The following NHSL1 variants were observed in gnomAD, a reference collection of about 807,000 sequenced individuals.
NHSL1 encodes the protein NHS-like protein 1.
NHSL1 carries 48 observed loss-of-function variants against 95.0 expected under a neutral mutation model. The observed-to-expected ratio is 0.51, with a 90% CI of 0.40 to 0.64. The LOEUF (loss-of-function observed/expected upper bound fraction) is 0.64. Among genes scored for constraint, NHSL1 ranks in the 30% least tolerant of loss-of-function variants. The pLI is 0.00. For synonymous variants in NHSL1, 783 were observed against 833.9 expected (o/e 0.94, Z 1.05); for missense variants, 1,971 against 2,077.7 (o/e 0.95, Z 1.00).
intron 1 of NHSL1, among the ~76,000 whole-genome samples, chr6:138,526,076 G>A (rs1470505160): frequency 6.9e-6 from 1 of 144,168 alleles, no homozygotes; most frequent in African/African-American, 2.6e-5. Context: ...CTGAGCAACA[G>A]AGCGAGACTC....
In NHSL1 at chr6:138,492,853, G is replaced by A. The variant is rs76686416; in HGVS notation, c.211+3366C>T. Among the ~76,000 whole-genome samples, 467 of 152,256 alleles carry A rather than the reference G, an allele frequency of 3.1e-3. 2 individuals are homozygous for A. The highest frequency in any genetic ancestry group is 0.011 in the African/African-American group (442 of 41,554). ...AATTATGGACACAGTAAGAATAGAA[G>A]AAGAAACAAAATGATTACTCACTGT... On this transcript the variant is annotated intron_variant, in intron 2 of 7. Transcript: ENST00000343505.
chr6:138,470,146 T>C (rs1273899776), intron 3 of NHSL1, among the ~76,000 whole-genome samples: 1 of 152,216 alleles, frequency 6.6e-6, no homozygotes, highest in African/African-American at 2.4e-5. Flanking sequence ...CATTCAGATC[T>C]AATGATTTAA....
chr6:138,542,983 C>T (rs1022228972), intron 1 of NHSL1, among the ~76,000 whole-genome samples: 6 of 152,086 alleles, frequency 3.9e-5, no homozygotes, highest in South Asian at 2.1e-4. Context: ...AGGCTGGTCC[C>T]GAACTCAGGG....
chr6:138,606,628 G>GCCT (rs2114579680), intron 1 of NHSL1, among the ~76,000 whole-genome samples: 1 of 151,454 alleles, frequency 6.6e-6, no homozygotes, highest in East Asian at 1.9e-4. Context: ...GCCATTTATT[G>GCCT]CCTCCGTGCT....
upstream of NHSL1, among the ~76,000 whole-genome samples, chr6:138,573,704 C>T (rs1169998000): frequency 1.3e-5 from 2 of 152,092 alleles, no homozygotes; most frequent in Non-Finnish European, 2.9e-5. Context: ...CTAAAAGAGT[C>T]CTTGAGATCA....
chr6:138,571,876 G>C (rs1783853532), exon 1 of NHSL1: 1 of 1,551,554 alleles, frequency 6.4e-7, no homozygotes, highest in African/African-American at 1.4e-5. Context: ...TATTCGGCTG[G>C]AGTCTGAAGG....
At chr6:138,644,457 T>C (rs1194064573) in intron 1 of NHSL1, among the ~76,000 whole-genome samples, 2 of 152,180 alleles carry the variant, frequency 1.3e-5, no homozygotes, top group African/African-American at 2.4e-5. Context: ...GAGCCGAGAC[T>C]GTGCCACTGC....
intron 1 of NHSL1, among the ~76,000 whole-genome samples, chr6:138,627,860 G>A (rs1000004881): frequency 5.3e-5 from 8 of 151,138 alleles, no homozygotes; most frequent in African/African-American, 1.2e-4. Context: ...CAGCCTGGGC[G>A]ACAGAACAAG....
chr6:138,475,354 C>T (rs982102698), intron 2 of NHSL1, among the ~76,000 whole-genome samples: 3 of 151,814 alleles, frequency 2.0e-5, no homozygotes, highest in Admixed American at 2.0e-4. Flanking sequence ...TCCTGAGTAG[C>T]TGGAACTATA....
Position 138,622,370 on chromosome 6 carries a change from C to T in NHSL1, c.96+70106G>A, listed in dbSNP as rs143967094. ...CCAAAAAAAAATAGCCGGGCGTGGC[C>T]GCATGCGCCTGTAGTCCCAGCTGCT... On this transcript the variant is annotated intron_variant, in intron 1 of 3. Transcript: ENST00000491526. Among the ~76,000 whole-genome samples the T allele has an allele frequency of 6.2e-3, 945 of 151,964 alleles. 10 individuals are homozygous for T. Among genetic ancestry groups the T allele is most frequent in the Non-Finnish European group, 0.01 (708 of 67,946 alleles).
At chr6:138,536,214 C>T (rs1196482127) in intron 1 of NHSL1, among the ~76,000 whole-genome samples, 1 of 152,176 alleles carries the variant, frequency 6.6e-6, no homozygotes, top group African/African-American at 2.4e-5. Context: ...AGATAACACA[C>T]CAACAATGGA....
chr6:138,683,049 G>A (rs528588867), intron 1 of NHSL1, among the ~76,000 whole-genome samples: 163 of 152,274 alleles, frequency 1.1e-3, no homozygotes, highest in African/African-American at 3.6e-3. Context: ...GGAGCTGAGC[G>A]GCCCTCCAGT....
intron 1 of NHSL1, among the ~76,000 whole-genome samples, chr6:138,640,316 AT>A (rs1251198730): frequency 1.3e-5 from 2 of 152,112 alleles, no homozygotes; most frequent in Non-Finnish European, 2.9e-5. Context: ...TTATTCTGTA[AT>A]TTCTTAGTAC....
chr6:138,691,131 T>C (rs1785661370), intron 1 of NHSL1, among the ~76,000 whole-genome samples: 1 of 152,254 alleles, frequency 6.6e-6, no homozygotes, highest in Non-Finnish European at 1.5e-5. Flanking sequence ...TAGGACAGTG[T>C]ATCCTACCAT....
chr6:138,457,377 A>T (rs942255192), intron 3 of NHSL1, among the ~76,000 whole-genome samples: 2 of 152,196 alleles, frequency 1.3e-5, no homozygotes, highest in African/African-American at 4.8e-5. Flanking sequence ...ATAACATAAC[A>T]CATAGAGTCC....
At chr6:138,545,788 C>T (rs1782770532), upstream of NHSL1, 3 of 1,199,794 alleles carry the variant, frequency 2.5e-6, no homozygotes, top group African/African-American at 4.8e-5. Flanking sequence ...AGCCACTGCC[C>T]AATCCCCAGC....
In NHSL1 at chr6:138,688,419, G is replaced by T. The variant is rs1299030326; in HGVS notation, c.96+4057C>A. Among the ~76,000 whole-genome samples the T allele has an allele frequency of 5.7e-4, 87 of 152,218 alleles. 1 individual carries two copies. Among genetic ancestry groups the T allele is most frequent in the Non-Finnish European group, 1.2e-4 (8 of 68,000 alleles). On this transcript the variant is annotated intron_variant, in intron 1 of 3. Transcript: ENST00000491526. The stretch of plus-strand genomic sequence containing the variant: ...TCAGCACTTTGGGAGGCCGAGGCGG[G>T]TGGATCACGAGGTCAGGAGTTCAAG...
chr6:138,624,195 T>C (rs546296795), intron 1 of NHSL1, among the ~76,000 whole-genome samples: 1 of 152,208 alleles, frequency 6.6e-6, no homozygotes, highest in South Asian at 2.1e-4. Context: ...AGAGAGTGCA[T>C]CTCCACCTTT....
chr6:138,620,172 A>C (rs1006908418), intron 1 of NHSL1, among the ~76,000 whole-genome samples: 3 of 152,222 alleles, frequency 2.0e-5, no homozygotes, highest in Admixed American at 1.3e-4. Context: ...AGAGCTTGAA[A>C]GAAAATCTGC....
Sources: gnomAD v4.1 joint callset for allele counts (sites outside exome capture counted in the v4.1 genomes callset) on GRCh38, gnomAD v4.1.1 for gene constraint, MANE v1.5 for transcripts, NCBI Gene and HGNC (gene_info 2026-07-23, HGNC 2026-07-21) for gene names.